Variants in ST6GAL1 observed in about 807,000 individuals in gnomAD.
ST6GAL1 encodes the protein ST6 beta-galactoside alpha-2,6-sialyltransferase 1.
ST6GAL1 carries 20 observed loss-of-function variants against 38.0 expected under a neutral mutation model. That is an observed-to-expected ratio of 0.53 (90% CI 0.37 to 0.77). ST6GAL1 has a LOEUF of 0.77. Among genes scored for constraint, ST6GAL1 ranks in the 30% least tolerant of loss-of-function variants. The pLI is 0.00. For missense variants in ST6GAL1, 432 were observed against 496.4 expected (o/e 0.87, Z 1.23); for synonymous variants, 196 against 188.2 (o/e 1.04, Z -0.34).
At chr3:187,038,079 A>G (rs1008396515) in intron 2 of ST6GAL1, among the ~76,000 whole-genome samples, 5 of 151,866 alleles carry the variant, frequency 3.3e-5, no homozygotes, top group Admixed American at 6.6e-5. Flanking sequence ...TTCAGGATGG[A>G]CCTAATTACT....
chr3:187,063,072 C>T (rs1718976972), intron 5 of ST6GAL1, among the ~76,000 whole-genome samples: 1 of 152,170 alleles, frequency 6.6e-6, no homozygotes, highest in African/African-American at 2.4e-5. Context: ...AAGCTGAATA[C>T]TTAAAGTTGC....
At chr3:187,063,553 A>G (rs1718992705) in intron 5 of ST6GAL1, among the ~76,000 whole-genome samples, 1 of 152,172 alleles carries the variant, frequency 6.6e-6, no homozygotes, top group Non-Finnish European at 1.5e-5. Context: ...TGATACATGG[A>G]TGGTAGGATC....
intron 2 of ST6GAL1, among the ~76,000 whole-genome samples, chr3:187,008,161 A>G (rs915028740): frequency 1.3e-5 from 2 of 152,188 alleles, no homozygotes; most frequent in African/African-American, 4.8e-5. Flanking sequence ...AGAAAAACGT[A>G]TCTTCACAAA....
intron 2 of ST6GAL1, among the ~76,000 whole-genome samples, chr3:187,000,340 A>G (rs1396484433): frequency 5.3e-5 from 8 of 151,242 alleles, no homozygotes; most frequent in African/African-American, 1.9e-4. Flanking sequence ...ACCTGAGGTT[A>G]GGAGTTCGAG....
intron 2 of ST6GAL1, among the ~76,000 whole-genome samples, chr3:186,980,766 CAAAAA>C (rs58623543): frequency 4.1e-5 from 5 of 121,434 alleles, no homozygotes; most frequent in Non-Finnish European, 3.5e-5. Context: ...GACTCCATCT[CAAAAA>C]AAAAAAAAAA....
At position 187,007,190 on chromosome 3, in the gene ST6GAL1, A is replaced by T. The variant is rs563257585; in HGVS notation, c.-182-31552A>T. Among the ~76,000 whole-genome samples, 25 of 152,344 alleles carry T rather than the reference A, an allele frequency of 1.6e-4. No homozygotes were observed. The East Asian group carries it at 4.4e-3, about 27-fold the overall frequency. ...CAGTGTGGAAAGCTAAGAGTCCGAGATAACTCCATCTTTCTAACTAGAGGA... is the reference window on the plus strand; with the variant it reads ...CAGTGTGGAAAGCTAAGAGTCCGAGTTAACTCCATCTTTCTAACTAGAGGA... On this transcript the variant is annotated intron_variant, in intron 2 of 7. Transcript: ENST00000169298.
chr3:187,011,945 A>T (rs1219356515), intron 2 of ST6GAL1, among the ~76,000 whole-genome samples: 2 of 152,268 alleles, frequency 1.3e-5, no homozygotes, highest in East Asian at 1.9e-4. Context: ...TTTGTTTGAC[A>T]TTGTCTCATC....
At chr3:186,994,404 A>G (rs1716293639) in intron 2 of ST6GAL1, among the ~76,000 whole-genome samples, 1 of 152,164 alleles carries the variant, frequency 6.6e-6, no homozygotes, top group African/African-American at 2.4e-5. Context: ...GATCCCTTTC[A>G]GGGCTGGAGT....
intron 1 of ST6GAL1, among the ~76,000 whole-genome samples, chr3:186,943,519 G>A (rs894830578): frequency 2.0e-5 from 3 of 151,948 alleles, no homozygotes; most frequent in East Asian, 1.9e-4. Context: ...GTGCGATCTC[G>A]GCTCACTGCA....
In ST6GAL1 at chr3:186,952,056, T is replaced by C. The variant is rs1415557529; in HGVS notation, c.-324-11729T>C. Among the ~76,000 whole-genome samples the C allele has an allele frequency of 1.3e-5, 2 of 152,218 alleles. No individual in the cohort carries two copies. Among genetic ancestry groups the C allele is most frequent in the African/African-American group, 4.8e-5 (2 of 41,450 alleles). On this transcript the variant is annotated intron_variant, in intron 1 of 7. Transcript: ENST00000169298. This position sits in a 1 kb window ranked among gnomAD's most constrained non-coding sequence, Gnocchi z 4.1. ...GTAATTTATAAAGAAAAGAGGTTTATTTGGCTCATGATTCTGCAGGCTGTA... is the reference window on the plus strand; with the variant it reads ...GTAATTTATAAAGAAAAGAGGTTTACTTGGCTCATGATTCTGCAGGCTGTA...
At chr3:187,012,077 CTGTT>C (rs1318370120) in intron 2 of ST6GAL1, among the ~76,000 whole-genome samples, 3 of 152,152 alleles carry the variant, frequency 2.0e-5, no homozygotes, top group Non-Finnish European at 4.4e-5. Flanking sequence ...TCCCCACTCA[CTGTT>C]TGCCCAGGCT....
chr3:187,043,407 G>A (rs1036323354), intron 4 of ST6GAL1, 97 bp downstream of exon 4: 212 of 1,514,486 alleles, frequency 1.4e-4, no homozygotes, highest in East Asian at 1.3e-3. Flanking sequence ...GTGGCTCAGC[G>A]GACCAGTGGA....
At chr3:186,956,817 A>G (rs939550676) in intron 1 of ST6GAL1, among the ~76,000 whole-genome samples, 12 of 152,236 alleles carry the variant, frequency 7.9e-5, no homozygotes, top group Non-Finnish European at 1.8e-4. Context: ...TTTTCAATTT[A>G]AAAAGACAGC....
intron 2 of ST6GAL1, among the ~76,000 whole-genome samples, chr3:187,005,060 G>GTTT (rs59111563): frequency 6.7e-6 from 1 of 148,798 alleles, no homozygotes; most frequent in Admixed American, 6.7e-5. Context: ...TGGTATTGCA[G>GTTT]TTTTTTTTTT....
intron 2 of ST6GAL1, among the ~76,000 whole-genome samples, chr3:187,002,043 C>CTTTTTTTTTTTTTTTTTTTTTTTT (rs1560158350): frequency 6.6e-6 from 1 of 151,630 alleles, no homozygotes; most frequent in African/African-American, 2.4e-5. Flanking sequence ...GCTTTGTTGC[C>CTTTTTTTTTTTTTTTTTTTTTTTT]TTATATTGGT....
At chr3:186,948,079 G>A (rs974925208) in intron 1 of ST6GAL1, among the ~76,000 whole-genome samples, 1 of 152,198 alleles carries the variant, frequency 6.6e-6, no homozygotes, top group African/African-American at 2.4e-5. Flanking sequence ...CTCCCTGCCT[G>A]GGTGAGAATC....
intron 1 of ST6GAL1, among the ~76,000 whole-genome samples, chr3:186,954,536 A>G (rs185875422): frequency 1.3e-5 from 2 of 152,216 alleles, no homozygotes; most frequent in Admixed American, 1.3e-4. Context: ...CTGGCATGAG[A>G]TAGTATCTTT....
intron 2 of ST6GAL1, among the ~76,000 whole-genome samples, chr3:186,994,673 T>C (rs952758507): frequency 6.6e-6 from 1 of 152,048 alleles, no homozygotes; most frequent in African/African-American, 2.4e-5. Context: ...CCTTTAAAAA[T>C]AGGCCGGGGC....
intron 2 of ST6GAL1, among the ~76,000 whole-genome samples, chr3:186,969,462 C>T (rs1391512104): frequency 6.6e-6 from 1 of 152,184 alleles, no homozygotes; most frequent in Non-Finnish European, 1.5e-5. Context: ...TGTTTGCCAC[C>T]TGGATGGCTC....
Sources: gnomAD v4.1 joint callset for allele counts (sites outside exome capture counted in the v4.1 genomes callset) on GRCh38, gnomAD v4.1.1 for gene constraint, Gnocchi (gnomAD v3.1) non-coding constraint, MANE v1.5 for transcripts, NCBI Gene and HGNC (gene_info 2026-07-23, HGNC 2026-07-21) for gene names.